Variants in TTC23 observed in about 807,000 individuals in gnomAD.
The protein encoded by TTC23 is tetratricopeptide repeat protein 23.
In TTC23, 58 loss-of-function variants were observed where a neutral mutation model predicts 55.1. The observed-to-expected ratio is 1.05, with a 90% CI of 0.85 to 1.31. The LOEUF (loss-of-function observed/expected upper bound fraction) is 1.31, where lower values mean the gene tolerates loss of function less well. TTC23 is among the 50% of genes most tolerant of loss of function. The probability of loss-of-function intolerance (pLI) is 0.00; values close to 1 mark genes in which losing one functional copy is unlikely to be tolerated. For synonymous variants in TTC23, 203 were observed against 199.9 expected (o/e 1.02, Z -0.13); for missense variants, 516 against 534.4 (o/e 0.97, Z 0.34).
chr15:99,247,583 C>T (rs2080360301), intron 1 of TTC23, among the ~76,000 whole-genome samples: 1 of 152,060 alleles, frequency 6.6e-6, no homozygotes, highest in South Asian at 2.1e-4. Flanking sequence ...AAACATTATG[C>T]TAAGTAAAAG....
At chr15:99,143,925 G>T (rs1555491633) in intron 12 of TTC23, among the ~76,000 whole-genome samples, 1 of 152,128 alleles carries the variant, frequency 6.6e-6, no homozygotes, top group African/African-American at 2.4e-5. Context: ...TTCTTACATG[G>T]AGCCTGTAGA....
At chr15:99,206,934 A>G (rs2076676887) in intron 8 of TTC23, among the ~76,000 whole-genome samples, 1 of 152,078 alleles carries the variant, frequency 6.6e-6, no homozygotes, top group African/African-American at 2.4e-5. Context: ...GGAGGTAAGC[A>G]TTTATTGCTA....
intron 9 of TTC23, among the ~76,000 whole-genome samples, chr15:99,188,240 C>T (rs997995280): frequency 1.1e-4 from 16 of 151,852 alleles, no homozygotes; most frequent in Non-Finnish European, 1.5e-5. Flanking sequence ...AAGTCAGACA[C>T]AAAAGACCAC....
At chr15:99,184,717 C>T (rs1050107598) in intron 9 of TTC23, among the ~76,000 whole-genome samples, 2 of 152,002 alleles carry the variant, frequency 1.3e-5, no homozygotes, top group East Asian at 1.9e-4. Context: ...TTTGGGTTAA[C>T]GTTGGAATGA....
chr15:99,178,483 C>T (rs768211978), intron 9 of TTC23, among the ~76,000 whole-genome samples: 2 of 152,124 alleles, frequency 1.3e-5, no homozygotes, highest in Non-Finnish European at 2.9e-5. Context: ...TTAATTCAGT[C>T]CTATTCAACT....
At chr15:99,240,230 T>G (rs1053120134) in intron 3 of TTC23, among the ~76,000 whole-genome samples, 4 of 152,252 alleles carry the variant, frequency 2.6e-5, no homozygotes, top group Non-Finnish European at 5.9e-5. Flanking sequence ...TTTGTTATTC[T>G]GGGCCTCTGA....
intron 3 of TTC23, among the ~76,000 whole-genome samples, chr15:99,240,673 T>G (rs927781574): frequency 3.3e-5 from 5 of 152,214 alleles, no homozygotes; most frequent in Non-Finnish European, 5.9e-5. Flanking sequence ...TGTGTCTTAT[T>G]GTAGGAAAGT....
chr15:99,139,723 T>G, intron 12 of TTC23: 1 of 1,351,766 alleles, frequency 7.4e-7, no homozygotes, highest in Non-Finnish European at 9.8e-7. Flanking sequence ...TTTCTATTTT[T>G]AAATGTGGCC....
At chr15:99,203,280 A>C (rs139930878) in intron 8 of TTC23, among the ~76,000 whole-genome samples, 452 of 152,312 alleles carry the variant, frequency 3.0e-3, no homozygotes, top group Non-Finnish European at 4.2e-3. Context: ...AGGAGGTACC[A>C]TGTACACCAA....
In TTC23 at chr15:99,237,332, C is replaced by CT. The variant is rs2079405277; in HGVS notation, c.-113-2253dup. Among the ~76,000 whole-genome samples, 2 of 152,048 alleles carry CT rather than the reference C, an allele frequency of 1.3e-5. 1 individual carries two copies. Among genetic ancestry groups the CT allele is most frequent in the African/African-American group, 4.8e-5 (2 of 41,468 alleles). On this transcript the variant is annotated intron_variant, in intron 3 of 13. Transcript: ENST00000394132. ...AATGAAAGCATGTATTATAAAAAGACTTACATACAAATGTTCATAGAATTT... is the reference window on the plus strand; with the variant it reads ...AATGAAAGCATGTATTATAAAAAGACTTTACATACAAATGTTCATAGAATTT...
chr15:99,197,354 G>A (rs1241725667), intron 9 of TTC23, among the ~76,000 whole-genome samples: 1 of 151,836 alleles, frequency 6.6e-6, no homozygotes, highest in Non-Finnish European at 1.5e-5. Context: ...CACCCTCCTT[G>A]GCCTCCCAAA....
chr15:99,174,396 C>G (rs982041528), intron 10 of TTC23, among the ~76,000 whole-genome samples: 17 of 151,244 alleles, frequency 1.1e-4, no homozygotes, highest in African/African-American at 3.9e-4. Flanking sequence ...TTATTTTTAT[C>G]TGATATCTTG....
intron 10 of TTC23, among the ~76,000 whole-genome samples, chr15:99,162,738 A>G (rs1207999476): frequency 6.6e-6 from 1 of 152,148 alleles, no homozygotes; most frequent in Non-Finnish European, 1.5e-5. Flanking sequence ...ATGAAGATAT[A>G]GTTCTCCTGA....
At chr15:99,158,201 T>C (rs2070873292) in intron 11 of TTC23, 1 of 152,184 alleles carries the variant, frequency 6.6e-6, no homozygotes, top group South Asian at 2.1e-4. Context: ...AATTTAAATC[T>C]AGACTTGCCT....
chr15:99,220,999 A>G (rs982374316), intron 6 of TTC23, among the ~76,000 whole-genome samples: 1 of 152,242 alleles, frequency 6.6e-6, no homozygotes, highest in Non-Finnish European at 1.5e-5. Flanking sequence ...GCCAAAAGAA[A>G]GGTTTAGCCA....
At chr15:99,174,154 A>G (rs1250065676) in intron 10 of TTC23, among the ~76,000 whole-genome samples, 1 of 152,172 alleles carries the variant, frequency 6.6e-6, no homozygotes, top group Non-Finnish European at 1.5e-5. Flanking sequence ...GGTGTGATGG[A>G]CAGATGGATA....
intron 8 of TTC23, among the ~76,000 whole-genome samples, chr15:99,205,040 C>T (rs1156718359): frequency 2.0e-5 from 3 of 152,178 alleles, no homozygotes; most frequent in Admixed American, 6.5e-5. Flanking sequence ...CCCAGCACCA[C>T]TTGTTGAAGA....
chr15:99,187,469 C>CAAAAAAAAAAA (rs1451783999), intron 9 of TTC23, among the ~76,000 whole-genome samples: 3 of 110,648 alleles, frequency 2.7e-5, no homozygotes, highest in Non-Finnish European at 3.5e-5. Context: ...AAAAAAAAAA[C>CAAAAAAAAAAA]AAAACAAAAG....
rs782500028 is a variant in TTC23 at position 99,138,124 on chromosome 15, G to A, written c.1230C>T (p.Ala410=). The A allele has an allele frequency of 6.5e-5, 105 of 1,612,234 alleles. No homozygotes were observed. Among genetic ancestry groups the A allele is most frequent in the Non-Finnish European group, 6.9e-5 (81 of 1,179,962 alleles). ...GCCTTGGCTTCGAAGCAACCTTGGG[G>A]GCCCTGCAGACAAGCAGAGGGTGGG... ...TQQAMGMLST[A]PKVASKPRQA... Residue 410 remains alanine, a synonymous_variant, in exon 14 of 14, where the codon GCC becomes GCT. Coordinates refer to ENST00000394132, the MANE Select transcript of TTC23 (RefSeq NM_001288615.3).
Sources: gnomAD v4.1 joint callset for allele counts (sites outside exome capture counted in the v4.1 genomes callset) on GRCh38, gnomAD v4.1.1 for gene constraint, MANE v1.5 for transcripts, NCBI Gene and HGNC (gene_info 2026-07-23, HGNC 2026-07-21) for gene names.